The following CCSER1 variants were observed in gnomAD, a reference collection of about 807,000 sequenced individuals.
CCSER1 encodes the protein serine-rich coiled-coil domain-containing protein 1.
CCSER1 carries 41 observed loss-of-function variants against 82.0 expected under a neutral mutation model. The observed-to-expected ratio is 0.50, with a 90% CI of 0.39 to 0.65. The LOEUF (loss-of-function observed/expected upper bound fraction) is 0.65, where lower values mean the gene tolerates loss of function less well. CCSER1 is among the 30% of genes least tolerant of loss of function. The pLI, the probability that CCSER1 is intolerant of heterozygous loss-of-function variation, is 0.00. For missense variants in CCSER1, 1,119 were observed against 1,064.2 expected, an observed-to-expected ratio of 1.05 and a Z score of -0.72; for synonymous variants, 414 against 383.9, an observed-to-expected ratio of 1.08 and a Z score of -0.92.
At chr4:90,448,444 A>AATATATATATATATAT (rs70963067) in intron 4 of CCSER1, among the ~76,000 whole-genome samples, 1 of 44,074 alleles carries the variant, frequency 2.3e-5, no homozygotes, top group Non-Finnish European at 5.2e-5. Flanking sequence ...AGGTGAATTG[A>AATATATATATATATAT]ATATATATAT....
chr4:90,912,599 G>A (rs773502588), intron 8 of CCSER1, among the ~76,000 whole-genome samples: 4 of 152,160 alleles, frequency 2.6e-5, no homozygotes, highest in African/African-American at 4.8e-5. Flanking sequence ...CTCCAAAGGA[G>A]TGCAGCCCCT....
intron 7 of CCSER1, among the ~76,000 whole-genome samples, chr4:90,741,532 A>C (rs986412002): frequency 8.5e-5 from 13 of 152,342 alleles, no homozygotes; most frequent in Middle Eastern, 3.4e-3. Flanking sequence ...TCTGGCTGGG[A>C]ATTCACACTG....
chr4:90,656,189 A>G (rs1328060443), intron 6 of CCSER1, among the ~76,000 whole-genome samples: 1 of 151,886 alleles, frequency 6.6e-6, no homozygotes, highest in African/African-American at 2.4e-5. Context: ...TGGACAGTCT[A>G]AATGCTCTCA....
chr4:91,377,100 T>A lies in CCSER1; in HGVS notation c.2218-221472T>A, dbSNP rs1206170455. On this transcript the variant is annotated intron_variant, in intron 10 of 10. Transcript: ENST00000509176. ...GAACTCATCATTTTTTATGGCTGCA[T>A]AGTATTCCATGGTATATATGTGTCA... 5.3e-5 allele frequency among the ~76,000 whole-genome samples: 8 copies of A among 152,298 alleles called. No homozygotes were observed. In the East Asian group the frequency reaches 1.5e-3, roughly 29 times the overall value.
chr4:91,357,792 A>ATTTTT lies in CCSER1; in HGVS notation c.2218-240774_2218-240770dup, dbSNP rs201725584. On this transcript the variant is annotated intron_variant, in intron 10 of 10. Coordinates refer to ENST00000509176, the MANE Select transcript of CCSER1 (RefSeq NM_001145065.2). Reference sequence around the variant, plus strand: ...CTCAACTTTCTGACTTATTACAAACATTTTTTTTTTCTTTAAACAACCAGT... The same window carrying ATTTTT: ...CTCAACTTTCTGACTTATTACAAACATTTTTTTTTTTTTTTCTTTAAACAACCAGT... Among the ~76,000 whole-genome samples the ATTTTT allele has an allele frequency of 6.3e-5, 9 of 143,138 alleles. No homozygotes were observed. The Admixed American group carries it at 6.4e-4, about 10-fold the overall frequency. The allele number at this position is 143,138 out of a possible 152,430, so 93.9% of individuals were successfully genotyped here. A position where few individuals can be genotyped will look rare whatever the true frequency, so the allele number is the denominator to read the frequency against.
intron 1 of CCSER1, among the ~76,000 whole-genome samples, chr4:90,279,718 G>A (rs538574697): frequency 3.3e-5 from 5 of 152,040 alleles, no homozygotes; most frequent in East Asian, 3.9e-4. Flanking sequence ...CCTACTGACC[G>A]ACCTCCCATT....
At chr4:90,945,823 A>AT (rs929521667) in intron 9 of CCSER1, among the ~76,000 whole-genome samples, 10 of 151,342 alleles carry the variant, frequency 6.6e-5, no homozygotes, top group South Asian at 4.2e-4. Flanking sequence ...AATGGCTAAC[A>AT]TTTTTTTTTA....
chr4:91,250,115 C>G (rs1740140174), intron 10 of CCSER1, among the ~76,000 whole-genome samples: 1 of 151,826 alleles, frequency 6.6e-6, no homozygotes, highest in Non-Finnish European at 1.5e-5. Context: ...CCTGAAGGAC[C>G]TTTAGATGAA....
chr4:90,796,192 A>G (rs1755989985), intron 7 of CCSER1, among the ~76,000 whole-genome samples: 2 of 151,892 alleles, frequency 1.3e-5, no homozygotes, highest in South Asian at 4.1e-4. Context: ...CTGTTCAGGG[A>G]TACCATTTCT....
chr4:91,063,145 C>A (rs573349070), intron 9 of CCSER1, among the ~76,000 whole-genome samples: 1 of 151,950 alleles, frequency 6.6e-6, no homozygotes, highest in Non-Finnish European at 1.5e-5. Context: ...CAACCAAAGA[C>A]GAGAAGAAGA....
At chr4:90,155,332 A>G (rs1309070651) in intron 1 of CCSER1, among the ~76,000 whole-genome samples, 3 of 152,054 alleles carry the variant, frequency 2.0e-5, no homozygotes, top group Non-Finnish European at 4.4e-5. Context: ...ATATTGGTCT[A>G]AAATTGTCTT....
intron 9 of CCSER1, among the ~76,000 whole-genome samples, chr4:90,960,183 T>TA (rs1561421174): frequency 1.9e-4 from 29 of 151,712 alleles, no homozygotes; most frequent in African/African-American, 6.6e-4. Context: ...TTCATTTTTT[T>TA]TAAAAAAAGG....
intron 5 of CCSER1, among the ~76,000 whole-genome samples, chr4:90,533,228 A>C (rs1245566276): frequency 6.6e-6 from 1 of 151,230 alleles, no homozygotes; most frequent in Non-Finnish European, 1.5e-5. Context: ...AGTAGCTGGG[A>C]CTACAGGCGC....
intron 10 of CCSER1, among the ~76,000 whole-genome samples, chr4:91,589,421 C>T (rs993466060): frequency 5.9e-5 from 9 of 151,726 alleles, no homozygotes; most frequent in African/African-American, 1.9e-4. Context: ...AAAGCCACAG[C>T]GATTGGCTAT....
chr4:90,440,553 T>C (rs1212863685), intron 4 of CCSER1, among the ~76,000 whole-genome samples: 1 of 152,156 alleles, frequency 6.6e-6, no homozygotes, highest in Non-Finnish European at 1.5e-5. Flanking sequence ...ATAACTCCAG[T>C]CAAAGGTTGG....
chr4:90,747,730 A>T (rs62312987), intron 7 of CCSER1, among the ~76,000 whole-genome samples: 8,605 of 149,774 alleles, frequency 0.057, 354 homozygotes, highest in Admixed American at 0.11. Context: ...TATACATGTG[A>T]CATGCTGGTG....
At chr4:91,538,143 T>TTACTC (rs796345589) in intron 10 of CCSER1, among the ~76,000 whole-genome samples, 171 of 152,170 alleles carry the variant, frequency 1.1e-3, no homozygotes, top group African/African-American at 3.9e-3. Flanking sequence ...ATTTTCTTGT[T>TTACTC]TACTCTAATG....
intron 5 of CCSER1, among the ~76,000 whole-genome samples, chr4:90,486,807 T>G (rs1479255662): frequency 2.6e-5 from 4 of 152,246 alleles, no homozygotes; most frequent in Non-Finnish European, 5.9e-5. Context: ...ATCTTGAGAC[T>G]GGAAGACTGC....
At position 90,733,308 on chromosome 4, in the gene CCSER1, A is replaced by G. The variant is rs184268585; in HGVS notation, c.2010+9317A>G. Among the ~76,000 whole-genome samples, 5 of 152,236 alleles carry G rather than the reference A, an allele frequency of 3.3e-5. No homozygotes were observed. The East Asian group carries it at 9.7e-4, about 29-fold the overall frequency. On this transcript the variant is annotated intron_variant, in intron 7 of 10. Coordinates refer to ENST00000509176, the MANE Select transcript of CCSER1 (RefSeq NM_001145065.2). ...AGTGATGTTGAGCACCTTTTGATAT[A>G]TGTGTTTCCCATTTGTATATATTCT...
Sources: gnomAD v4.1 joint callset for allele counts (sites outside exome capture counted in the v4.1 genomes callset) on GRCh38, gnomAD v4.1.1 for gene constraint, MANE v1.5 for transcripts, NCBI Gene and HGNC (gene_info 2026-07-23, HGNC 2026-07-21) for gene names.